NADK2: variants seen among roughly 807,000 people sequenced by gnomAD.
NADK2 encodes NAD kinase 2, mitochondrial.
Under a neutral mutation model 62.1 loss-of-function variants are expected in NADK2, and 35 were observed. That is an observed-to-expected ratio of 0.56 (90% CI 0.43 to 0.75). The LOEUF (loss-of-function observed/expected upper bound fraction) is 0.75. Among genes scored for constraint, NADK2 ranks in the 30% least tolerant of loss-of-function variants. The probability of loss-of-function intolerance (pLI) is 0.00; values close to 1 mark genes in which losing one functional copy is unlikely to be tolerated. For missense variants in NADK2, 439 were observed against 561.3 expected, an observed-to-expected ratio of 0.78 and a Z score of 2.20; for synonymous variants, 205 against 207.9, an observed-to-expected ratio of 0.99 and a Z score of 0.12.
In NADK2 at chr5:36,205,752, A is replaced by G. The variant is rs912005384; in HGVS notation, c.956+1418T>C. Among the ~76,000 whole-genome samples the G allele has an allele frequency of 2.6e-5, 4 of 152,180 alleles. No homozygotes were observed. The highest frequency in any genetic ancestry group is 2.6e-4 in the Admixed American group (4 of 15,258). ...CAGTGTGGCGATTCCTCAAGGATCT[A>G]GAACTAGAAATACTATTTGACCCAG... On this transcript the variant is annotated intron_variant, in intron 8 of 11. Transcript: ENST00000381937. The surrounding 1 kb of genome is among the most constrained non-coding windows in gnomAD (Gnocchi z 4.1).
intron 1 of NADK2, among the ~76,000 whole-genome samples, chr5:36,240,960 G>C (rs1363362626): frequency 6.6e-6 from 1 of 152,182 alleles, no homozygotes; most frequent in African/African-American, 2.4e-5. Flanking sequence ...GGACTTTCCG[G>C]AGTGCCCTAG....
Position 36,217,752 on chromosome 5 carries a change from A to G in NADK2, c.777T>C (p.Asp259=). The change falls in exon 6 of 12, where the codon GAT becomes GAC. Residue 259 remains aspartate, a synonymous_variant. Coordinates refer to ENST00000381937, the MANE Select transcript of NADK2 (RefSeq NM_001085411.3). ...NRALNIERAH[D]ERSEASGPQL... Reference sequence around the variant, plus strand: ...TCTGATGCCCAATCCACCTACTTTCATCATGAGCTCTTTCAATGTTAAGGG... The same window carrying G: ...TCTGATGCCCAATCCACCTACTTTCGTCATGAGCTCTTTCAATGTTAAGGG... 1 of 1,613,794 alleles carries G rather than the reference A, an allele frequency of 6.2e-7. No homozygotes were observed. The highest frequency in any genetic ancestry group is 8.5e-7 in the Non-Finnish European group (1 of 1,179,820).
chr5:36,201,166 A>C lies in NADK2; in HGVS notation c.957-5T>G. 6.2e-7 allele frequency: 1 copy of C among 1,610,186 alleles called. No homozygotes were observed. Among genetic ancestry groups the C allele is most frequent in the Admixed American group, 1.7e-5 (1 of 59,678 alleles). On this transcript the variant is annotated splice_region_variant and splice_polypyrimidine_tract_variant and intron_variant, in intron 8 of 11. Coordinates refer to ENST00000381937, the MANE Select transcript of NADK2 (RefSeq NM_001085411.3). ...ACCCTGTTAATATTGAATGACCTAG[A>C]AACAAAAATCACATAATTCTTAGTT...
chr5:36,197,386 A>T (rs1408734541), intron 11 of NADK2, among the ~76,000 whole-genome samples, 155 bp downstream of exon 11: 1 of 152,112 alleles, frequency 6.6e-6, no homozygotes, highest in African/African-American at 2.4e-5. Context: ...TAGCCGGGTT[A>T]GCATGATACC....
rs966649129 is a variant in NADK2 at position 36,192,998 on chromosome 5, A to G, written c.*2146T>C. The G allele has an allele frequency of 6.6e-6, 1 of 152,212 alleles. No homozygotes were observed. The highest frequency in any genetic ancestry group is 2.4e-5 in the African/African-American group (1 of 41,450). 9.4% of individuals were successfully genotyped at this position (152,212 alleles called of 1,614,324 possible). On this transcript the variant is annotated 3_prime_UTR_variant, in exon 12 of 12. Coordinates refer to ENST00000381937, the MANE Select transcript of NADK2 (RefSeq NM_001085411.3). The stretch of plus-strand genomic sequence containing the variant: ...CTCTTATTCTTACAAATAAACCCCC[A>G]TCACAGAGCAGAAATGTTAGAAATT...
At chr5:36,227,588 T>C (rs751083238) in intron 1 of NADK2, 23 bp from the exon 2 acceptor site, 2 of 1,348,256 alleles carry the variant, frequency 1.5e-6, no homozygotes, top group Non-Finnish European at 2.0e-6. Context: ...AAAAGAAACG[T>C]TGTTTTACTA....
At chr5:36,238,404 C>T (rs913888320) in intron 1 of NADK2, among the ~76,000 whole-genome samples, 5 of 152,118 alleles carry the variant, frequency 3.3e-5, no homozygotes, top group African/African-American at 7.2e-5. Flanking sequence ...AAAGGGTTGC[C>T]GAGTTGTGAG....
At position 36,241,399 on chromosome 5, in the gene NADK2, C is replaced by A; in HGVS notation, c.300+100G>T. 7.2e-7 allele frequency: 1 copy of A among 1,391,030 alleles called. No homozygotes were observed. The allele number at this position is 1,391,030 out of a possible 1,614,324, so 86.2% of individuals were successfully genotyped here. A position where few individuals can be genotyped will look rare whatever the true frequency, so the allele number is the denominator to read the frequency against. Reference sequence around the variant, plus strand: ...GAGGCAGGACCGGCATCTGCGGTGCCCTGGGAAGAGTCGTCCCGAGAGGTC... The same window carrying A: ...GAGGCAGGACCGGCATCTGCGGTGCACTGGGAAGAGTCGTCCCGAGAGGTC... On this transcript the variant is annotated intron_variant, in intron 1 of 11. Transcript: ENST00000381937. This position sits in a 1 kb window ranked among gnomAD's most constrained non-coding sequence, Gnocchi z 4.9.
At chr5:36,197,406 TC>T (rs1209806086) in intron 11 of NADK2, 134 bp downstream of exon 11, 1 of 1,128,440 alleles carries the variant, frequency 8.9e-7, no homozygotes, top group Non-Finnish European at 1.3e-6. Context: ...CTTGTTACTT[TC>T]ACAGGTTCTA....
chr5:36,202,669 A>T (rs546161612), intron 8 of NADK2, among the ~76,000 whole-genome samples: 25 of 152,226 alleles, frequency 1.6e-4, no homozygotes, highest in African/African-American at 5.8e-4. Context: ...CAGAGTGGAC[A>T]TGATAAACAA....
intron 1 of NADK2, among the ~76,000 whole-genome samples, chr5:36,234,266 G>T (rs902788369): frequency 6.6e-6 from 1 of 150,444 alleles, no homozygotes; most frequent in African/African-American, 2.5e-5. Context: ...CCAGCTACAC[G>T]GGAGGCTGAG....
At chr5:36,225,499 G>T in intron 4 of NADK2, 43 bp downstream of exon 4, 1 of 1,527,418 alleles carries the variant, frequency 6.5e-7, no homozygotes. Context: ...AACTTAAAAA[G>T]CACACCACAC....
chr5:36,222,998 A>T (rs933430055), intron 4 of NADK2, among the ~76,000 whole-genome samples: 1 of 152,160 alleles, frequency 6.6e-6, no homozygotes, highest in African/African-American at 2.4e-5. Flanking sequence ...TGAAGGGAAA[A>T]ATAATAGGCA....
Position 36,207,249 on chromosome 5 carries a change from T to C in NADK2, c.877A>G (p.Ile293Val). 1.2e-6 allele frequency: 2 copies of C among 1,612,520 alleles called. No homozygotes were observed. Among genetic ancestry groups the C allele is most frequent in the Non-Finnish European group, 1.7e-6 (2 of 1,178,962 alleles). The part of the protein sequence containing the change: ...SLSSRASYYE[I>V]SVDDGPWEKQ... ...TCCCATGGACCATCATCAACTGAAA[T>C]CTCATAGTAGGAAGCCCTGTGAATT... The change falls in exon 8 of 12, where the codon ATT (isoleucine) becomes GTT (valine). Residue 293 changes from isoleucine (I) to valine (V), a missense_variant. By Grantham distance (29) the Ile-to-Val change is conservative (BLOSUM62 3). Coordinates refer to ENST00000381937, the MANE Select transcript of NADK2 (RefSeq NM_001085411.3).
upstream of NADK2, chr5:36,241,991 T>A: frequency 3.1e-6 from 1 of 325,048 alleles, no homozygotes; most frequent in Non-Finnish European, 5.0e-6. This position sits in a 1 kb window ranked among gnomAD's most constrained non-coding sequence, Gnocchi z 4.9. Flanking sequence ...GGGGAAAGCG[T>A]GGCGATTGGG....
At chr5:36,233,996 A>G (rs1747804167) in intron 1 of NADK2, among the ~76,000 whole-genome samples, 1 of 152,208 alleles carries the variant, frequency 6.6e-6, no homozygotes, top group African/African-American at 2.4e-5. Flanking sequence ...AATTATTTGT[A>G]CTTCTAATTA....
At chr5:36,201,907 G>A (rs1047089653) in intron 8 of NADK2, among the ~76,000 whole-genome samples, 5 of 151,796 alleles carry the variant, frequency 3.3e-5, no homozygotes, top group Admixed American at 1.3e-4. Flanking sequence ...GTTCTGTCCC[G>A]GGGTCTATAA....
At chr5:36,207,608 A>G (rs545006448) in intron 7 of NADK2, among the ~76,000 whole-genome samples, 25 of 152,204 alleles carry the variant, frequency 1.6e-4, no homozygotes, top group African/African-American at 6.0e-4. Context: ...TCTGAATCCA[A>G]AAAAAGAAAA....
At chr5:36,202,014 TATAATCCCAAGGAACAG>T (rs1460779052) in intron 8 of NADK2, among the ~76,000 whole-genome samples, 1 of 152,028 alleles carries the variant, frequency 6.6e-6, no homozygotes, top group Admixed American at 6.6e-5. Flanking sequence ...GATCTCAATA[TATAATCCCAAGGAACAG>T]GAATAACATA....
Sources: allele counts gnomAD v4.1 joint callset (sites outside exome capture counted in the v4.1 genomes callset), GRCh38; gene constraint gnomAD v4.1.1; non-coding constraint Gnocchi (gnomAD v3.1); transcripts MANE v1.5; gene names NCBI Gene and HGNC (gene_info 2026-07-23, HGNC 2026-07-21).